Variants in PRH1 observed in about 807,000 individuals in gnomAD.
PRH1 encodes salivary acidic proline-rich phosphoprotein 1/2.
Under a neutral mutation model 7.9 loss-of-function variants are expected in PRH1, and 7 were observed. The observed-to-expected ratio is 0.89, with a 90% confidence interval of 0.50 to 1.67. PRH1 has a LOEUF of 1.67. Among genes scored for constraint, PRH1 ranks in the 40% most tolerant of loss-of-function variants. PRH1 has a pLI of 0.00. For missense variants in PRH1, 109 were observed against 223.6 expected, an observed-to-expected ratio of 0.49 and a Z score of 3.27; for synonymous variants, 45 against 80.8, an observed-to-expected ratio of 0.56 and a Z score of 2.38.
intron 1 of PRH1, among the ~76,000 whole-genome samples, chr12:11,098,493 A>T (rs1369557097): frequency 2.0e-5 from 3 of 152,194 alleles, no homozygotes; most frequent in African/African-American, 7.2e-5. Context: ...CACAAATAAG[A>T]ACGTACTCTC....
intron 2 of PRH1, among the ~76,000 whole-genome samples, chr12:10,969,961 C>T (rs1169513756): frequency 2.6e-5 from 4 of 152,054 alleles, no homozygotes; most frequent in African/African-American, 4.8e-5. Flanking sequence ...CCACCACACC[C>T]GGCTAATTTT....
chr12:11,127,258 G>A (rs117338001), intron 1 of PRH1, among the ~76,000 whole-genome samples: 3,511 of 151,810 alleles, frequency 0.023, no homozygotes, highest in Non-Finnish European at 0.035. Flanking sequence ...ATTCTCATTT[G>A]CTAGCATGCA....
chr12:10,938,761 G>A, intron 2 of PRH1: 1 of 1,613,828 alleles, frequency 6.2e-7, no homozygotes, highest in East Asian at 2.2e-5. Context: ...TTATATGGAT[G>A]TTTATCAGTG....
chr12:10,920,287 A>G (rs887446973), intron 2 of PRH1, among the ~76,000 whole-genome samples: 4 of 148,246 alleles, frequency 2.7e-5, no homozygotes, highest in Non-Finnish European at 5.9e-5. Context: ...ATTCATGTGT[A>G]ATTTAGGACT....
intron 2 of PRH1, among the ~76,000 whole-genome samples, chr12:10,913,878 A>G (rs549258875): frequency 6.6e-6 from 1 of 152,232 alleles, no homozygotes; most frequent in Non-Finnish European, 1.5e-5. Context: ...AGCACAGGAC[A>G]TGTAACAGAA....
chr12:11,101,053 T>C (rs1254003521), intron 1 of PRH1, among the ~76,000 whole-genome samples: 1 of 152,200 alleles, frequency 6.6e-6, no homozygotes, highest in Non-Finnish European at 1.5e-5. Context: ...CAAATGTGTA[T>C]CAAAAATAAT....
At chr12:10,908,196 A>G (rs2135822200) in intron 2 of PRH1, 1 of 483,466 alleles carries the variant, frequency 2.1e-6, no homozygotes, top group East Asian at 3.2e-5. Context: ...GTAGAAATAC[A>G]TGTCATAAAT....
At chr12:10,972,641 T>A (rs1419120530) in intron 2 of PRH1, among the ~76,000 whole-genome samples, 2 of 152,192 alleles carry the variant, frequency 1.3e-5, no homozygotes, top group East Asian at 3.8e-4. Context: ...TAATTTTTGT[T>A]CAGCAACATC....
At chr12:11,141,176 CTTT>C (rs1045719287) in intron 1 of PRH1, among the ~76,000 whole-genome samples, 3 of 152,102 alleles carry the variant, frequency 2.0e-5, no homozygotes, top group Non-Finnish European at 4.4e-5. Flanking sequence ...CCCATTTGGG[CTTT>C]TTGACCCATT....
intron 1 of PRH1, among the ~76,000 whole-genome samples, chr12:11,076,164 C>T (rs796651654): frequency 0.041 from 1,072 of 26,286 alleles, 355 homozygotes; most frequent in Non-Finnish European, 0.099. Context: ...CAAGAATTAA[C>T]ACAGTCATGC....
At chr12:11,112,973 C>T (rs1945632906) in intron 1 of PRH1, among the ~76,000 whole-genome samples, 1 of 152,100 alleles carries the variant, frequency 6.6e-6, no homozygotes, top group Non-Finnish European at 1.5e-5. Flanking sequence ...AATCAACATG[C>T]AAAATTCACA....
chr12:11,024,155 A>G (rs1239403430), intron 1 of PRH1, among the ~76,000 whole-genome samples: 3 of 152,280 alleles, frequency 2.0e-5, no homozygotes, highest in Non-Finnish European at 2.9e-5. Context: ...GAATGTATAC[A>G]AATAGTGGAT....
rs117327261 is a variant in PRH1 at position 11,063,838 on chromosome 12, T to G, written n.124-16650A>C. Among the ~76,000 whole-genome samples the G allele has an allele frequency of 4.6e-5, 7 of 152,184 alleles. No individual in the cohort carries two copies. The East Asian group carries it at 1.4e-3, about 30-fold the overall frequency. On this transcript the variant is annotated intron_variant and non_coding_transcript_variant, in intron 1 of 4. Transcript: ENST00000541977. ...CAAATTTCCTCACGTTGCAACTAAA[T>G]AAGAAAGTGCTCACTTCAACTCCCT... is the stretch of plus-strand genomic sequence containing the variant.
At chr12:10,941,043 G>GAGA (rs1318343988) in intron 2 of PRH1, among the ~76,000 whole-genome samples, 3 of 152,158 alleles carry the variant, frequency 2.0e-5, no homozygotes, top group Non-Finnish European at 4.4e-5. Flanking sequence ...TATCCACATA[G>GAGA]AGACAAGAAG....
intron 1 of PRH1, chr12:10,997,912 A>G (rs1469394837): frequency 7.2e-7 from 1 of 1,394,636 alleles, no homozygotes; most frequent in African/African-American, 1.4e-5. Context: ...TTCAGGCCTA[A>G]TGTCACTGAT....
chr12:10,967,114 CAAAA>C lies in PRH1; in HGVS notation c.-59+6537_-59+6540del, dbSNP rs35838979. Among the ~76,000 whole-genome samples the C allele has an allele frequency of 2.4e-3, 239 of 99,318 alleles. 1 individual carries two copies. Among genetic ancestry groups the C allele is most frequent in the African/African-American group, 7.7e-3 (198 of 25,798 alleles). The allele number at this position is 99,318 out of a possible 152,430, so 65.2% of individuals were successfully genotyped here. Reference sequence around the variant, plus strand: ...TGGGCGACAGAGCAAGACTCCGTCTCAAAAAAAAAAAAAAAAAAAAAGTAGAAAA... The same window carrying C: ...TGGGCGACAGAGCAAGACTCCGTCTCAAAAAAAAAAAAAAAAAGTAGAAAA... On this transcript the variant is annotated intron_variant, in intron 2 of 3. Transcript: ENST00000539853.
intron 1 of PRH1, among the ~76,000 whole-genome samples, chr12:10,995,118 C>T (rs779736490): frequency 6.6e-5 from 10 of 152,092 alleles, no homozygotes; most frequent in Non-Finnish European, 1.3e-4. Context: ...GAAATGTGCA[C>T]CCAACTGTAG....
chr12:11,006,290 G>A (rs937292592), intron 1 of PRH1: 2 of 151,632 alleles, frequency 1.3e-5, no homozygotes, highest in African/African-American at 4.8e-5. Flanking sequence ...AAAAAACAAA[G>A]ATGGTTAGTT....
At chr12:11,083,357 A>G (rs1944556976) in intron 1 of PRH1, among the ~76,000 whole-genome samples, 1 of 105,606 alleles carries the variant, frequency 9.5e-6, no homozygotes, top group Admixed American at 9.6e-5. Flanking sequence ...TAAATTAAAG[A>G]AAAGTTTAAA....
Sources: allele counts gnomAD v4.1 joint callset (sites outside exome capture counted in the v4.1 genomes callset), GRCh38; gene constraint gnomAD v4.1.1; transcripts MANE v1.5; gene names NCBI Gene and HGNC (gene_info 2026-07-23, HGNC 2026-07-21).